PXK: variants seen among roughly 807,000 people sequenced by gnomAD.
PXK encodes the protein PX domain-containing protein kinase-like protein.
In PXK, 35 loss-of-function variants were observed where a neutral mutation model predicts 84.7. That is an observed-to-expected ratio of 0.41 (90% CI 0.32 to 0.55). The LOEUF (loss-of-function observed/expected upper bound fraction) is 0.55, where lower values mean the gene tolerates loss of function less well. PXK is among the 20% of genes least tolerant of loss of function. PXK has a pLI of 0.21. For synonymous variants in PXK, 253 were observed against 260.8 expected (o/e 0.97, Z 0.29); for missense variants, 634 against 699.7 (o/e 0.91, Z 1.06).
chr3:58,396,283 ATATAT>A (rs1357034273), intron 9 of PXK, among the ~76,000 whole-genome samples: 4 of 152,198 alleles, frequency 2.6e-5, no homozygotes, highest in Non-Finnish European at 4.4e-5. Context: ...ATGTGTGTAT[ATATAT>A]TATATTTGTT....
At position 58,414,159 on chromosome 3, in the gene PXK, T is replaced by G. The variant is rs1232110839; in HGVS notation, c.1528+1196T>G. On this transcript the variant is annotated intron_variant, in intron 17 of 17. Transcript: ENST00000356151. The surrounding 1 kb of genome is among the most constrained non-coding windows in gnomAD (Gnocchi z 4.5). Reference sequence around the variant, plus strand: ...TATGGAGATACACTGTTTAGGCTGATCAGAAATGTCTGGTGATCTACTGCC... The same window carrying G: ...TATGGAGATACACTGTTTAGGCTGAGCAGAAATGTCTGGTGATCTACTGCC... 1 of 152,122 alleles carries G rather than the reference T, an allele frequency of 6.6e-6. No homozygotes were observed. The highest frequency in any genetic ancestry group is 2.4e-5 in the African/African-American group (1 of 41,450). The allele number at this position is 152,122 out of a possible 1,614,324, so 9.4% of individuals were successfully genotyped here.
At chr3:58,367,918 C>T (rs532486638) in intron 2 of PXK, among the ~76,000 whole-genome samples, 72 of 152,284 alleles carry the variant, frequency 4.7e-4, no homozygotes, top group African/African-American at 1.3e-3. Context: ...CTCCTGAGCT[C>T]GAGCAATCCT....
intron 13 of PXK, among the ~76,000 whole-genome samples, chr3:58,406,767 CTT>C (rs2059477927): frequency 6.6e-6 from 1 of 152,122 alleles, no homozygotes; most frequent in African/African-American, 2.4e-5. Context: ...CACTATTCTA[CTT>C]TGTTTCTGTG....
In PXK at chr3:58,334,945, G is replaced by C. The variant is rs987287270; in HGVS notation, c.102+1855G>C. On this transcript the variant is annotated intron_variant, in intron 1 of 17. Transcript: ENST00000356151. ...ATTGTAAGGGTGTGTGTGTGTGTGT[G>C]TGTGTGTGTGTGTCTGTGTGTGTGT... 6.7e-5 allele frequency among the ~76,000 whole-genome samples: 9 copies of C among 134,610 alleles called. No homozygotes were observed. In the South Asian group the frequency reaches 9.6e-4, roughly 14 times the overall value. 88.3% of individuals were successfully genotyped at this position (134,610 alleles called of 152,430 possible). A position where few individuals can be genotyped will look rare whatever the true frequency, so the allele number is the denominator to read the frequency against.
chr3:58,422,685 G>C, intron 17 of PXK: 1 of 985,368 alleles, frequency 1.0e-6, no homozygotes, highest in Non-Finnish European at 1.2e-6. Flanking sequence ...ACCAAGGGTT[G>C]GTTCTCTGTG....
At chr3:58,380,076 C>G (rs1454030089) in intron 3 of PXK, among the ~76,000 whole-genome samples, 2 of 151,984 alleles carry the variant, frequency 1.3e-5, no homozygotes, top group Non-Finnish European at 2.9e-5. Context: ...TAAAAGAAAG[C>G]AGAAGGCATG....
chr3:58,357,291 C>A lies in PXK; in HGVS notation c.103-8583C>A, dbSNP rs987847644. ...GAGACTCTGTCTCAAAAAAAAAAAA[C>A]AAAAACTAAGACATAAACACACACA... On this transcript the variant is annotated intron_variant, in intron 1 of 17. Coordinates refer to ENST00000356151, the MANE Select transcript of PXK (RefSeq NM_017771.5). 5.2e-3 allele frequency among the ~76,000 whole-genome samples: 782 copies of A among 150,258 alleles called. 6 individuals are homozygous for A. The highest frequency in any genetic ancestry group is 0.01 in the Middle Eastern group (3 of 290).
intron 17 of PXK, among the ~76,000 whole-genome samples, chr3:58,424,507 T>C (rs1030804887): frequency 3.9e-5 from 6 of 152,246 alleles, no homozygotes; most frequent in Non-Finnish European, 2.9e-5. Context: ...TCATGTAATC[T>C]GTAATTATTT....
Position 58,399,433 on chromosome 3 carries a change from C to T in PXK, c.1181+56C>T. 1 of 1,518,370 alleles carries T rather than the reference C, an allele frequency of 6.6e-7. No homozygotes were observed. Among genetic ancestry groups the T allele is most frequent in the South Asian group, 1.1e-5 (1 of 87,600 alleles). The allele number at this position is 1,518,370 out of a possible 1,614,324, so 94.1% of individuals were successfully genotyped here. A position where few individuals can be genotyped will look rare whatever the true frequency, so the allele number is the denominator to read the frequency against. ...TTGATAACTATGTTGAACACCAGAC[C>T]ACTGTGTCCAAGCACCTGGTACTGT... On this transcript the variant is annotated intron_variant, in intron 12 of 17. Coordinates refer to ENST00000356151, the MANE Select transcript of PXK (RefSeq NM_017771.5). This position sits in a 1 kb window ranked among gnomAD's most constrained non-coding sequence, Gnocchi z 4.3.
At chr3:58,369,229 C>G (rs2098326625) in intron 2 of PXK, among the ~76,000 whole-genome samples, 1 of 152,128 alleles carries the variant, frequency 6.6e-6, no homozygotes, top group East Asian at 1.9e-4. Context: ...TTCCCATGGC[C>G]CAGCCAACGC....
At chr3:58,358,365 T>C (rs2098126049) in intron 1 of PXK, among the ~76,000 whole-genome samples, 2 of 152,186 alleles carry the variant, frequency 1.3e-5, no homozygotes, top group Non-Finnish European at 2.9e-5. Flanking sequence ...TTAATGTTCC[T>C]TTACAGGGGA....
intron 2 of PXK, among the ~76,000 whole-genome samples, chr3:58,368,158 T>C (rs2098305216): frequency 6.6e-6 from 1 of 152,122 alleles, no homozygotes; most frequent in Admixed American, 6.5e-5. Context: ...TCTTGGTCTG[T>C]CCGTGTAGCC....
chr3:58,397,787 C>T lies in PXK; in HGVS notation c.1102+65C>T. 1 of 1,350,452 alleles carries T rather than the reference C, an allele frequency of 7.4e-7. No individual in the cohort carries two copies. Among genetic ancestry groups the T allele is most frequent in the Non-Finnish European group, 1.1e-6 (1 of 947,908 alleles). 83.7% of individuals were successfully genotyped at this position (1,350,452 alleles called of 1,614,324 possible). A position where few individuals can be genotyped will look rare whatever the true frequency, so the allele number is the denominator to read the frequency against. ...GTGTGCAGAGCCACTCATCCCCTTT[C>T]CAGAGTCCAGGAAAGACCCAGAGGA... On this transcript the variant is annotated intron_variant, in intron 11 of 17. Coordinates refer to ENST00000356151, the MANE Select transcript of PXK (RefSeq NM_017771.5). This position sits in a 1 kb window ranked among gnomAD's most constrained non-coding sequence, Gnocchi z 4.7.
In PXK at chr3:58,425,858, T is replaced by C. The variant is rs1264649491; in HGVS notation, c.*898T>C. Reference sequence around the variant, plus strand: ...ATTAGAAAGATCCTTTATCCTGATTTGCTTAAACCTTTCAATAAATTGCAC... The same window carrying C: ...ATTAGAAAGATCCTTTATCCTGATTCGCTTAAACCTTTCAATAAATTGCAC... On this transcript the variant is annotated 3_prime_UTR_variant, in exon 18 of 18. Coordinates refer to ENST00000356151, the MANE Select transcript of PXK (RefSeq NM_017771.5). 1 of 152,248 alleles carries C rather than the reference T, an allele frequency of 6.6e-6. No individual in the cohort carries two copies. Among genetic ancestry groups the C allele is most frequent in the African/African-American group, 2.4e-5 (1 of 41,466 alleles). 9.4% of individuals were successfully genotyped at this position (152,248 alleles called of 1,614,324 possible). A position where few individuals can be genotyped will look rare whatever the true frequency, so the allele number is the denominator to read the frequency against.
In PXK at chr3:58,370,568, T is replaced by C. The variant is rs1176863911; in HGVS notation, c.201+1090T>C. Among the ~76,000 whole-genome samples the C allele has an allele frequency of 6.6e-6, 1 of 152,200 alleles. No homozygotes were observed. Among genetic ancestry groups the C allele is most frequent in the African/African-American group, 2.4e-5 (1 of 41,454 alleles). On this transcript the variant is annotated intron_variant, in intron 3 of 17. Coordinates refer to ENST00000356151, the MANE Select transcript of PXK (RefSeq NM_017771.5). This position sits in a 1 kb window ranked among gnomAD's most constrained non-coding sequence, Gnocchi z 4.2. ...AGGAGGGAAAGGACTGCTCCCGTCA[T>C]TGGTGAGCTAGCCGTTATCGCTCAT...
In PXK at chr3:58,364,607, G is replaced by T. The variant is rs1157856538; in HGVS notation, c.103-1267G>T. 6.6e-6 allele frequency among the ~76,000 whole-genome samples: 1 copy of T among 152,090 alleles called. No homozygotes were observed. Among genetic ancestry groups the T allele is most frequent in the African/African-American group, 2.4e-5 (1 of 41,380 alleles). On this transcript the variant is annotated intron_variant, in intron 1 of 17. Coordinates refer to ENST00000356151, the MANE Select transcript of PXK (RefSeq NM_017771.5). The surrounding 1 kb of genome is among the most constrained non-coding windows in gnomAD (Gnocchi z 4.3). ...GGCACCTGTAATCCCAGCTACTCAG[G>T]AGGCTGAGGCAGGAGAATTGCTTGA...
intron 16 of PXK, among the ~76,000 whole-genome samples, chr3:58,410,746 G>A (rs1469669694): frequency 8.5e-5 from 13 of 152,184 alleles, no homozygotes; most frequent in Admixed American, 8.5e-4. Flanking sequence ...ATGATCCCTG[G>A]GGGCCTTCCA....
intron 3 of PXK, among the ~76,000 whole-genome samples, chr3:58,380,434 TA>T (rs59756369): frequency 0.14 from 19,636 of 142,268 alleles, 1,923 homozygotes; most frequent in African/African-American, 0.28. Flanking sequence ...CCCTATCTCT[TA>T]AAAAAAAAAA....
At chr3:58,387,720 G>C (rs1443426673) in intron 4 of PXK, among the ~76,000 whole-genome samples, 5 of 152,196 alleles carry the variant, frequency 3.3e-5, no homozygotes, top group Non-Finnish European at 7.4e-5. Flanking sequence ...AGGTGGAAGA[G>C]AGTAGCCCTA....
Sources: allele counts gnomAD v4.1 joint callset (sites outside exome capture counted in the v4.1 genomes callset), GRCh38; gene constraint gnomAD v4.1.1; non-coding constraint Gnocchi (gnomAD v3.1); transcripts MANE v1.5; gene names NCBI Gene and HGNC (gene_info 2026-07-23, HGNC 2026-07-21).